TTLL7: variants seen among roughly 807,000 people sequenced by gnomAD.
The protein encoded by TTLL7 is tubulin tyrosine ligase like 7.
A neutral mutation model predicts 120.2 loss-of-function variants in TTLL7; 53 were observed. The observed-to-expected ratio is 0.44, with a 90% CI of 0.35 to 0.55. The LOEUF is 0.55. Among genes scored for constraint, TTLL7 ranks in the 20% least tolerant of loss-of-function variants. TTLL7 has a pLI of 0.00. For synonymous variants in TTLL7, 353 were observed against 351.7 expected (o/e 1.00, Z -0.04); for missense variants, 803 against 1,054.7 (o/e 0.76, Z 3.31).
chr1:83,904,015 G>A, intron 18 of TTLL7, 64 bp downstream of exon 18: 2 of 1,246,472 alleles, frequency 1.6e-6, no homozygotes, highest in South Asian at 2.5e-5. Flanking sequence ...TATGAATTTG[G>A]CTTAATGATC....
intron 7 of TTLL7, 34 bp from the exon 8 acceptor site, chr1:83,938,050 T>A: frequency 6.2e-7 from 1 of 1,607,992 alleles, no homozygotes; most frequent in Non-Finnish European, 8.5e-7. Flanking sequence ...TGTTACCACC[T>A]ATGACATCCT....
intron 7 of TTLL7, among the ~76,000 whole-genome samples, chr1:83,941,288 A>T (rs1172078105): frequency 1.3e-5 from 2 of 152,124 alleles, no homozygotes; most frequent in East Asian, 3.8e-4. Context: ...CTGCCTCCCC[A>T]CTAGACTGTT....
At chr1:83,903,503 T>C (rs770380538) in intron 18 of TTLL7, among the ~76,000 whole-genome samples, 9 of 152,006 alleles carry the variant, frequency 5.9e-5, no homozygotes, top group East Asian at 1.9e-4. Flanking sequence ...CACTCCCAGA[T>C]AGCAAAATCC....
intron 1 of TTLL7, among the ~76,000 whole-genome samples, chr1:83,988,155 G>A (rs1020972740): frequency 2.0e-5 from 3 of 152,278 alleles, no homozygotes; most frequent in Middle Eastern, 3.4e-3. Context: ...CTGTTCCTGC[G>A]TTAATTTGCT....
chr1:83,865,639 A>G lies in TTLL7; in HGVS notation c.*4323T>C, dbSNP rs949122843. ...TATTTGTAGCCATATATCTTGCTTTATATGTATCCAGACAATAAACGCTTT... is the reference window on the plus strand; with the variant it reads ...TATTTGTAGCCATATATCTTGCTTTGTATGTATCCAGACAATAAACGCTTT... On this transcript the variant is annotated 3_prime_UTR_variant, in exon 21 of 21. Coordinates refer to ENST00000260505, the MANE Select transcript of TTLL7 (RefSeq NM_024686.6). 3.3e-5 allele frequency: 5 copies of G among 152,028 alleles called. No homozygotes were observed. Among genetic ancestry groups the G allele is most frequent in the African/African-American group, 1.2e-4 (5 of 41,442 alleles). 9.4% of individuals were successfully genotyped at this position (152,028 alleles called of 1,614,324 possible).
At chr1:83,888,587 A>C (rs543461088) in intron 19 of TTLL7, among the ~76,000 whole-genome samples, 1 of 152,156 alleles carries the variant, frequency 6.6e-6, no homozygotes, top group African/African-American at 2.4e-5. Context: ...GCTTTACATT[A>C]GATTCAAATA....
rs145632652 is a variant in TTLL7, at chr1:83,989,177, A to G, written c.-177+9754T>C. Among the ~76,000 whole-genome samples the G allele has an allele frequency of 3.0e-3, 460 of 152,200 alleles. 2 individuals are homozygous for G. Among genetic ancestry groups the G allele is most frequent in the African/African-American group, 0.01 (426 of 41,528 alleles). ...TTATTTTGCCGTACAGAAGCTCTTTACTTTGGCTAGGTCCCACCTATAAAT... is the reference window on the plus strand; with the variant it reads ...TTATTTTGCCGTACAGAAGCTCTTTGCTTTGGCTAGGTCCCACCTATAAAT... On this transcript the variant is annotated intron_variant, in intron 1 of 20. Coordinates refer to ENST00000260505, the MANE Select transcript of TTLL7 (RefSeq NM_024686.6).
At chr1:83,942,403 C>T in intron 7 of TTLL7, 60 bp downstream of exon 7, 3 of 1,423,232 alleles carry the variant, frequency 2.1e-6, no homozygotes, top group African/African-American at 1.4e-5. Context: ...CTAATGGATG[C>T]TTTAAAAAGT....
intron 1 of TTLL7, among the ~76,000 whole-genome samples, chr1:83,968,136 G>A (rs1650651807): frequency 6.6e-6 from 1 of 151,998 alleles, no homozygotes; most frequent in Non-Finnish European, 1.5e-5. Context: ...AGTGTGAAAT[G>A]CACCATACCC....
intron 10 of TTLL7, among the ~76,000 whole-genome samples, 186 bp from the exon 11 acceptor site, chr1:83,921,580 G>A (rs1658674032): frequency 6.6e-6 from 1 of 152,032 alleles, no homozygotes; most frequent in Non-Finnish European, 1.5e-5. Context: ...AATAGATATG[G>A]TAAACAGAAA....
chr1:83,922,160 G>C (rs1398748796), intron 10 of TTLL7, among the ~76,000 whole-genome samples: 5 of 151,844 alleles, frequency 3.3e-5, no homozygotes, highest in Non-Finnish European at 7.4e-5. Context: ...TGTACTCCAA[G>C]AAAAAAGGAA....
chr1:83,896,064 T>C (rs1463464894), intron 18 of TTLL7, among the ~76,000 whole-genome samples: 1 of 152,100 alleles, frequency 6.6e-6, no homozygotes, highest in African/African-American at 2.4e-5. Context: ...GATAAATTAG[T>C]GCTAGTTCTA....
intron 19 of TTLL7, among the ~76,000 whole-genome samples, chr1:83,888,340 T>C (rs1655144713): frequency 1.3e-5 from 2 of 151,946 alleles, no homozygotes; most frequent in Non-Finnish European, 2.9e-5. Context: ...TTCACTTAGG[T>C]CTCTGTAGAA....
chr1:83,926,330 T>G (rs949231735), intron 10 of TTLL7, among the ~76,000 whole-genome samples: 4 of 152,132 alleles, frequency 2.6e-5, no homozygotes, highest in African/African-American at 9.7e-5. Context: ...GCTCACTCAC[T>G]CACTACATGT....
intron 1 of TTLL7, among the ~76,000 whole-genome samples, chr1:83,982,741 G>A (rs1652080214): frequency 6.6e-6 from 1 of 152,152 alleles, no homozygotes; most frequent in South Asian, 2.1e-4. Context: ...GTAACTTGTA[G>A]ATTCAATGCT....
intron 18 of TTLL7, among the ~76,000 whole-genome samples, chr1:83,892,581 TATAA>T (rs1655721525): frequency 3.5e-5 from 5 of 144,746 alleles, no homozygotes; most frequent in African/African-American, 5.2e-5. Context: ...TATATGAACA[TATAA>T]ATGAACATAT....
chr1:83,884,519 TTC>T (rs1654804767), intron 19 of TTLL7, among the ~76,000 whole-genome samples: 1 of 151,920 alleles, frequency 6.6e-6, no homozygotes, highest in Admixed American at 6.6e-5. Flanking sequence ...ATGACAGGTT[TTC>T]TTAAAGGGAG....
chr1:83,917,412 G>A (rs1442209644), intron 14 of TTLL7, among the ~76,000 whole-genome samples, 192 bp downstream of exon 14: 1 of 152,088 alleles, frequency 6.6e-6, no homozygotes, highest in Non-Finnish European at 1.5e-5. Flanking sequence ...TAACCAAAAT[G>A]ACGAATGAAA....
intron 20 of TTLL7, chr1:83,882,666 T>G (rs1229905840): frequency 4.1e-6 from 1 of 244,174 alleles, no homozygotes; most frequent in Non-Finnish European, 7.8e-6. Context: ...TTAAATATAT[T>G]ACCACATTTT....
Sources: allele counts gnomAD v4.1 joint callset (sites outside exome capture counted in the v4.1 genomes callset), GRCh38; gene constraint gnomAD v4.1.1; transcripts MANE v1.5; gene names NCBI Gene and HGNC (gene_info 2026-07-23, HGNC 2026-07-21).